The following APPBP2 variants were observed in gnomAD, a reference collection of about 807,000 sequenced individuals.
The protein encoded by APPBP2 is amyloid protein-binding protein 2.
APPBP2 carries 15 observed loss-of-function variants against 76.0 expected under a neutral mutation model. That is an observed-to-expected ratio of 0.20 (90% CI 0.13 to 0.30). APPBP2 has a LOEUF of 0.30. APPBP2 is among the 10% of genes least tolerant of loss of function. APPBP2 has a pLI of 1.00. For synonymous variants in APPBP2, 222 were observed against 242.2 expected (o/e 0.92, Z 0.77); for missense variants, 401 against 687.2 (o/e 0.58, Z 4.66).
chr17:60,514,013 A>C (rs970723246), intron 1 of APPBP2, among the ~76,000 whole-genome samples: 6 of 150,934 alleles, frequency 4.0e-5, no homozygotes, highest in Non-Finnish European at 7.4e-5. Context: ...AAAAAAAAAA[A>C]AAAAAACACA....
chr17:60,514,740 G>C (rs988689531), intron 1 of APPBP2, among the ~76,000 whole-genome samples: 7 of 152,200 alleles, frequency 4.6e-5, no homozygotes, highest in African/African-American at 1.7e-4. Context: ...GTTGGTTAAA[G>C]GGTATGAGTG....
chr17:60,456,091 TTA>T (rs2090429293), intron 10 of APPBP2, among the ~76,000 whole-genome samples: 2 of 152,286 alleles, frequency 1.3e-5, no homozygotes, highest in Middle Eastern at 3.4e-3. Flanking sequence ...TAACAATGTT[TTA>T]TGAGAGATGC....
At chr17:60,511,580 T>TC (rs2090913777) in intron 1 of APPBP2, among the ~76,000 whole-genome samples, 1 of 138,042 alleles carries the variant, frequency 7.2e-6, no homozygotes, top group African/African-American at 3.3e-5. Flanking sequence ...CAAGACTCCA[T>TC]TGAAAAAAAA....
intron 3 of APPBP2, among the ~76,000 whole-genome samples, chr17:60,488,317 C>A (rs928250635): frequency 6.6e-6 from 1 of 152,138 alleles, no homozygotes; most frequent in African/African-American, 2.4e-5. Flanking sequence ...TATGCCCTGA[C>A]CCCAGAGGTC....
chr17:60,490,443 G>A (rs907102165), intron 3 of APPBP2, among the ~76,000 whole-genome samples: 14 of 152,250 alleles, frequency 9.2e-5, no homozygotes, highest in African/African-American at 3.1e-4. Context: ...CCAGTAGTTT[G>A]GGAAGAATGC....
intron 12 of APPBP2, among the ~76,000 whole-genome samples, chr17:60,449,363 G>C (rs1055458507): frequency 1.3e-5 from 2 of 152,082 alleles, no homozygotes; most frequent in African/African-American, 4.8e-5. Flanking sequence ...AGGCCCAGGC[G>C]GGCAGGCTGC....
intron 4 of APPBP2, 28 bp downstream of exon 4, chr17:60,479,120 C>T (rs749152933): frequency 5.0e-6 from 8 of 1,599,464 alleles, no homozygotes; most frequent in South Asian, 3.4e-5. Context: ...TGTTATAGCA[C>T]GTAATTACAG....
At chr17:60,450,297 G>A (rs913812478) in intron 12 of APPBP2, among the ~76,000 whole-genome samples, 38 of 151,360 alleles carry the variant, frequency 2.5e-4, no homozygotes, top group Non-Finnish European at 2.4e-4. Context: ...AATTAGCTGG[G>A]CATGGTGGCG....
chr17:60,515,831 G>A (rs1374108214), intron 1 of APPBP2, among the ~76,000 whole-genome samples: 2 of 152,224 alleles, frequency 1.3e-5, no homozygotes, highest in East Asian at 3.9e-4. Context: ...GTTTTCAGTG[G>A]TTGCTGTGAT....
At chr17:60,462,156 GA>G (rs962126919) in intron 6 of APPBP2, 95 bp from the exon 7 acceptor site, 8 of 933,518 alleles carry the variant, frequency 8.6e-6, no homozygotes, top group African/African-American at 3.4e-5. Flanking sequence ...GAGTTAATAA[GA>G]AAAAAAACCC....
Position 60,456,323 on chromosome 17 carries a change from G to A in APPBP2, c.1120C>T (p.Leu374Phe), listed in dbSNP as rs1390516046. 6.2e-7 allele frequency: 1 copy of A among 1,610,700 alleles called. No homozygotes were observed. The highest frequency in any genetic ancestry group is 1.3e-5 in the African/African-American group (1 of 74,964). ...ITHILPEDHL[L>F]LASSKRVKAL... ...TTCACCCTCTTTGAAGAAGCCAAAA[G>A]AAGATGATCTTCAGGTAGGATGTGG... is the stretch of plus-strand genomic sequence containing the variant. Residue 374 changes from leucine to phenylalanine, a missense_variant, in exon 10 of 13, where the codon CTT becomes TTT. Transcript: ENST00000083182.
intron 3 of APPBP2, among the ~76,000 whole-genome samples, chr17:60,483,629 G>A (rs547303021): frequency 5.4e-4 from 82 of 152,146 alleles, no homozygotes; most frequent in Middle Eastern, 3.4e-3. Flanking sequence ...TCCCGACCTC[G>A]TGATCCGCTC....
In APPBP2 at chr17:60,444,865, T is replaced by G. The variant is rs1485256317; in HGVS notation, c.*2716A>C. ...AAGGATGAGACCAAAGGCCCCTAAT[T>G]TAACATAACTTTGCTGAACCTCCAG... On this transcript the variant is annotated 3_prime_UTR_variant, in exon 13 of 13. Coordinates refer to ENST00000083182, the MANE Select transcript of APPBP2 (RefSeq NM_006380.5). 6.6e-6 allele frequency: 1 copy of G among 152,452 alleles called. No homozygotes were observed. Among genetic ancestry groups the G allele is most frequent in the Non-Finnish European group, 1.5e-5 (1 of 68,028 alleles). The allele number at this position is 152,452 out of a possible 1,614,324, so 9.4% of individuals were successfully genotyped here.
intron 2 of APPBP2, among the ~76,000 whole-genome samples, chr17:60,495,609 T>G (rs1300653272): frequency 6.6e-6 from 1 of 152,042 alleles, no homozygotes; most frequent in African/African-American, 2.4e-5. Flanking sequence ...TAGCTGGGAC[T>G]ATGGATGCCT....
At chr17:60,523,243 G>A (rs1324022394) in intron 1 of APPBP2, among the ~76,000 whole-genome samples, 1 of 152,046 alleles carries the variant, frequency 6.6e-6, no homozygotes, top group African/African-American at 2.4e-5. Flanking sequence ...GGCAGGGGGT[G>A]AGTATCTTAT....
intron 3 of APPBP2, among the ~76,000 whole-genome samples, chr17:60,481,716 C>T (rs2090631042): frequency 6.6e-6 from 1 of 152,150 alleles, no homozygotes; most frequent in Non-Finnish European, 1.5e-5. Context: ...AATTTATTTT[C>T]TCTGTTCAAA....
intron 12 of APPBP2, 135 bp from the exon 13 acceptor site, chr17:60,447,969 A>G (rs1381490099): frequency 2.3e-5 from 19 of 811,506 alleles, no homozygotes; most frequent in Non-Finnish European, 3.6e-5. Context: ...AATAGATATA[A>G]TTCTTGTATC....
chr17:60,451,923 C>T lies in APPBP2; in HGVS notation c.1461G>A (p.Gln487=). 2 of 1,612,814 alleles carry T rather than the reference C, an allele frequency of 1.2e-6. No individual in the cohort carries two copies. The highest frequency in any genetic ancestry group is 1.7e-6 in the Non-Finnish European group (2 of 1,179,592). Residue 487 remains glutamine (Q), a synonymous_variant, in exon 12 of 13, where the codon CAG becomes CAA. Coordinates refer to ENST00000083182, the MANE Select transcript of APPBP2 (RefSeq NM_006380.5). ...AATAAAGTTTCTCAGCATTTTCATA[C>T]TGATTCATGTCATAATTATATAAAG... ...LASLYNYDMN[Q]YENAEKLYLR...
intron 6 of APPBP2, 121 bp from the exon 7 acceptor site, chr17:60,462,182 C>T (rs1239473226): frequency 2.7e-6 from 2 of 747,338 alleles, no homozygotes; most frequent in African/African-American, 3.6e-5. Context: ...AACATAAATA[C>T]AAAGGTTCTA....
Sources: allele counts gnomAD v4.1 joint callset (sites outside exome capture counted in the v4.1 genomes callset), GRCh38; gene constraint gnomAD v4.1.1; transcripts MANE v1.5; gene names NCBI Gene and HGNC (gene_info 2026-07-23, HGNC 2026-07-21).